Variants in SSX2IP observed in about 807,000 individuals in gnomAD.
SSX2IP encodes SSX family member 2 interacting protein, also known as afadin- and alpha-actinin-binding protein.
A neutral mutation model predicts 84.9 loss-of-function variants in SSX2IP; 55 were observed. The observed-to-expected ratio is 0.65, with a 90% confidence interval of 0.52 to 0.81. The LOEUF (loss-of-function observed/expected upper bound fraction) is 0.81. Ranked by LOEUF, SSX2IP falls within the 30% of genes least tolerant of loss-of-function variation. The pLI, the probability that SSX2IP is intolerant of heterozygous loss-of-function variation, is 0.00. For missense variants in SSX2IP, 664 were observed against 705.2 expected, an observed-to-expected ratio of 0.94 and a Z score of 0.66; for synonymous variants, 239 against 234.7, an observed-to-expected ratio of 1.02 and a Z score of -0.17.
rs546794391 is a variant in SSX2IP at position 84,646,188 on chromosome 1, A to G, written c.*1245T>C. ...GTGCAGGCTTCTATGTACAGAGACA[A>G]GCAGGGTTAGGCACTTAAAGCTTTT... On this transcript the variant is annotated 3_prime_UTR_variant, in exon 14 of 14. Transcript: ENST00000342203. The G allele has an allele frequency of 1.3e-5, 2 of 152,748 alleles. No individual in the cohort carries two copies. The highest frequency in any genetic ancestry group is 4.1e-4 in the South Asian group (2 of 4,826). 9.5% of individuals were successfully genotyped at this position (152,748 alleles called of 1,614,324 possible). A position where few individuals can be genotyped will look rare whatever the true frequency, so the allele number is the denominator to read the frequency against.
chr1:84,671,064 T>A (rs902014969), intron 2 of SSX2IP, 113 bp downstream of exon 2: 1 of 1,277,794 alleles, frequency 7.8e-7, no homozygotes, highest in Non-Finnish European at 1.1e-6. Flanking sequence ...TTTACAACGA[T>A]TTGTCTCTCT....
At chr1:84,672,585 A>T (rs1007554800) in intron 1 of SSX2IP, among the ~76,000 whole-genome samples, 5 of 152,164 alleles carry the variant, frequency 3.3e-5, no homozygotes, top group Admixed American at 2.6e-4. Flanking sequence ...TGTGCACTTG[A>T]CTGTAAGTTA....
chr1:84,684,186 A>G (rs1655478041), intron 1 of SSX2IP, among the ~76,000 whole-genome samples: 2 of 152,226 alleles, frequency 1.3e-5, no homozygotes, highest in African/African-American at 4.8e-5. Context: ...TCCTGGGACC[A>G]GCAGCATCAA....
chr1:84,677,819 A>T (rs929242598), intron 1 of SSX2IP, among the ~76,000 whole-genome samples: 6 of 152,182 alleles, frequency 3.9e-5, no homozygotes, highest in Middle Eastern at 3.4e-3. Context: ...TTAGAACTAG[A>T]TTTTACCTCA....
rs370153105 is a variant in SSX2IP, at chr1:84,656,404, C to G, written c.1159G>C (p.Glu387Gln). ...QDHEQETEKL[E>Q]LEIQQCKEMI... is the part of the protein sequence containing the mutation. ...TCTTTACACTGCTGAATTTCTAACT[C>G]GAGTTTTTCAGTTTCTTGTTCATGG... Residue 387 changes from glutamate to glutamine, a missense_variant, in exon 10 of 14, where the codon GAG (glutamate) becomes CAG (glutamine). By Grantham distance (29) the Glu-to-Gln change is conservative. Transcript: ENST00000342203. 1 of 1,613,350 alleles carries G rather than the reference C, an allele frequency of 6.2e-7. No individual in the cohort carries two copies.
chr1:84,657,300 T>A (rs896167356), intron 9 of SSX2IP, among the ~76,000 whole-genome samples: 11 of 151,820 alleles, frequency 7.2e-5, no homozygotes, highest in Non-Finnish European at 1.5e-4. Context: ...TTTTAAAATT[T>A]AAAAAAAAGT....
At chr1:84,654,482 C>G (rs1650779742) in intron 11 of SSX2IP, among the ~76,000 whole-genome samples, 1 of 151,726 alleles carries the variant, frequency 6.6e-6, no homozygotes, top group Non-Finnish European at 1.5e-5. Flanking sequence ...ACAGCTCATG[C>G]ACTATTTATA....
rs1443147836 is a variant in SSX2IP, at chr1:84,645,013, T to A, written c.*2420A>T. 1 of 152,212 alleles carries A rather than the reference T, an allele frequency of 6.6e-6. No individual in the cohort carries two copies. The highest frequency in any genetic ancestry group is 1.5e-5 in the Non-Finnish European group (1 of 68,030). 9.4% of individuals were successfully genotyped at this position (152,212 alleles called of 1,614,324 possible). On this transcript the variant is annotated 3_prime_UTR_variant, in exon 14 of 14. Coordinates refer to ENST00000342203, the MANE Select transcript of SSX2IP (RefSeq NM_001166293.2). ...TGTTTATCTCAATTTTTCTTTGACA[T>A]TTTTATGCTTTGAAAATTCAGAATG...
At chr1:84,654,228 T>C (rs1650744482) in intron 11 of SSX2IP, among the ~76,000 whole-genome samples, 1 of 152,118 alleles carries the variant, frequency 6.6e-6, no homozygotes, top group Admixed American at 6.5e-5. Context: ...AGTATCCTGG[T>C]AAAATTTCCA....
chr1:84,681,886 G>A (rs1655130639), intron 1 of SSX2IP, among the ~76,000 whole-genome samples: 1 of 152,132 alleles, frequency 6.6e-6, no homozygotes, highest in Non-Finnish European at 1.5e-5. Context: ...GAAATACAGA[G>A]GCCAGACTTT....
chr1:84,679,519 T>A (rs896861943), intron 1 of SSX2IP, among the ~76,000 whole-genome samples: 5 of 152,186 alleles, frequency 3.3e-5, no homozygotes, highest in African/African-American at 4.8e-5. Context: ...AATAGAGGAT[T>A]TATAGTTGGA....
intron 4 of SSX2IP, 41 bp from the exon 5 acceptor site, chr1:84,666,273 G>T: frequency 6.9e-7 from 1 of 1,445,286 alleles, no homozygotes; most frequent in Non-Finnish European, 9.7e-7. Context: ...ATTAATAAAG[G>T]ATTTAGAATA....
At chr1:84,673,657 TAC>T (rs571631057) in intron 1 of SSX2IP, among the ~76,000 whole-genome samples, 38 of 152,278 alleles carry the variant, frequency 2.5e-4, no homozygotes, top group African/African-American at 8.4e-4. Context: ...AGTGTTAAAC[TAC>T]AGTTCTAACA....
At chr1:84,673,953 C>A (rs1007886368) in intron 1 of SSX2IP, among the ~76,000 whole-genome samples, 1 of 152,160 alleles carries the variant, frequency 6.6e-6, no homozygotes, top group Admixed American at 6.6e-5. Flanking sequence ...CTATTTTGTT[C>A]TTCCCACTGT....
Position 84,651,894 on chromosome 1 carries a change from G to C in SSX2IP, c.1493C>G (p.Ala498Gly). 1 of 1,609,802 alleles carries C rather than the reference G, an allele frequency of 6.2e-7. No individual in the cohort carries two copies. The highest frequency in any genetic ancestry group is 8.5e-7 in the Non-Finnish European group (1 of 1,176,330). ...QNSENVKLFS[A>G]FSGSSDWDNL... ...TATAAAGTACTCACTTCCTGAGAAGGCACTGAAAAGTTTCACATTTTCTGA... is the reference window on the plus strand; with the variant it reads ...TATAAAGTACTCACTTCCTGAGAAGCCACTGAAAAGTTTCACATTTTCTGA... Residue 498 changes from alanine to glycine, a missense_variant, in exon 12 of 14, where the codon GCC becomes GGC. Transcript: ENST00000342203.
chr1:84,677,736 A>C (rs866917108), intron 1 of SSX2IP, among the ~76,000 whole-genome samples: 1 of 152,268 alleles, frequency 6.6e-6, no homozygotes, highest in Middle Eastern at 3.4e-3. Context: ...ACTCTATGAG[A>C]GGTCCGTGTG....
intron 5 of SSX2IP, 85 bp from the exon 6 acceptor site, chr1:84,664,637 G>A: frequency 8.3e-7 from 1 of 1,207,846 alleles, no homozygotes; most frequent in Non-Finnish European, 1.1e-6. Flanking sequence ...TCCCCATATA[G>A]GTTTTAAAAT....
In SSX2IP at chr1:84,670,883, T is replaced by C. The variant is rs144221950; in HGVS notation, c.44-68A>G. The stretch of plus-strand genomic sequence containing the variant: ...GTATGTAAAGCTAACATAATCGCCA[T>C]TACTAAAGACTTTGAATTACATATA... On this transcript the variant is annotated intron_variant, in intron 2 of 13. Coordinates refer to ENST00000342203, the MANE Select transcript of SSX2IP (RefSeq NM_001166293.2). The C allele has an allele frequency of 3.6e-4, 453 of 1,261,464 alleles. 3 individuals are homozygous for C. The East Asian group carries it at 8.1e-3, about 23-fold the overall frequency. The allele number at this position is 1,261,464 out of a possible 1,614,324, so 78.1% of individuals were successfully genotyped here. A position where few individuals can be genotyped will look rare whatever the true frequency, so the allele number is the denominator to read the frequency against.
chr1:84,655,443 C>T (rs1286162322), intron 11 of SSX2IP: 24 of 1,291,610 alleles, frequency 1.9e-5, no homozygotes, highest in African/African-American at 4.6e-5. Flanking sequence ...GAGAAGAGAA[C>T]TTAATTTTTT....
Sources: allele counts gnomAD v4.1 joint callset (sites outside exome capture counted in the v4.1 genomes callset), GRCh38; gene constraint gnomAD v4.1.1; transcripts MANE v1.5; gene names NCBI Gene and HGNC (gene_info 2026-07-23, HGNC 2026-07-21).